The following CLIC5 variants were observed in gnomAD, a reference collection of about 807,000 sequenced individuals.
The protein encoded by CLIC5 is CLIC family member 5, also known as chloride intracellular channel protein 5.
A neutral mutation model predicts 24.7 loss-of-function variants in CLIC5; 20 were observed. The observed-to-expected ratio is 0.81, with a 90% confidence interval of 0.57 to 1.18. The LOEUF is 1.18. CLIC5 is among the 50% of genes most tolerant of loss of function. The pLI is 0.00. For synonymous variants in CLIC5, 159 were observed against 135.6 expected (o/e 1.17, Z -1.20); for missense variants, 341 against 326.1 (o/e 1.05, Z -0.35).
intron 1 of CLIC5, among the ~76,000 whole-genome samples, chr6:46,064,311 G>A (rs907010969): frequency 6.6e-6 from 1 of 151,896 alleles, no homozygotes; most frequent in Non-Finnish European, 1.5e-5. Context: ...TTCCCACCAA[G>A]AAATCTCTAG....
chr6:45,983,282 T>C (rs1314705407), intron 1 of CLIC5, among the ~76,000 whole-genome samples: 1 of 152,124 alleles, frequency 6.6e-6, no homozygotes, highest in Non-Finnish European at 1.5e-5. Context: ...TAGGAAGCCA[T>C]AAAAATGCAT....
chr6:45,929,971 G>A (rs1763664184), intron 4 of CLIC5, among the ~76,000 whole-genome samples: 1 of 152,192 alleles, frequency 6.6e-6, no homozygotes, highest in South Asian at 2.1e-4. Flanking sequence ...CTCCAGACAG[G>A]GCCACTGTGA....
At chr6:46,065,016 T>G (rs2127471926) in intron 1 of CLIC5, among the ~76,000 whole-genome samples, 1 of 152,222 alleles carries the variant, frequency 6.6e-6, no homozygotes, top group East Asian at 1.9e-4. Context: ...TATAAACTAT[T>G]TGCAAAACAT....
chr6:45,888,320 T>C lies in CLIC5; in HGVS notation c.624-7132A>G, dbSNP rs142179393. ...TCTATGTGGGATGTGGGGCATTTTC[T>C]ATTAATTACATTTCTTAATTTACTT... is the stretch of plus-strand genomic sequence containing the variant. On this transcript the variant is annotated intron_variant, in intron 6 of 6. Transcript: ENST00000644324. 2.4e-4 allele frequency among the ~76,000 whole-genome samples: 37 copies of C among 152,380 alleles called. No individual in the cohort carries two copies. In the South Asian group the frequency reaches 2.5e-3, roughly 10 times the overall value.
intron 3 of CLIC5, among the ~76,000 whole-genome samples, chr6:45,948,311 C>T (rs1764353649): frequency 6.6e-6 from 1 of 152,212 alleles, no homozygotes; most frequent in African/African-American, 2.4e-5. Flanking sequence ...CCTGCCCTGT[C>T]TTGGCTTAGC....
intron 1 of CLIC5, among the ~76,000 whole-genome samples, chr6:45,974,778 T>C (rs1282478059): frequency 6.6e-6 from 1 of 152,060 alleles, no homozygotes. Flanking sequence ...AAAGGTAACA[T>C]GTGTGGATAT....
Position 45,955,188 on chromosome 6 carries a change from C to G in CLIC5, c.120G>C (p.Met40Ile), listed in dbSNP as rs1233536120. ...ACACGACTCCTTTCAGCCAGAGGATCATGAAGAGGCGCTGAGAGAAAGGAC... is the reference window on the plus strand; with the variant it reads ...ACACGACTCCTTTCAGCCAGAGGATGATGAAGAGGCGCTGAGAGAAAGGAC... ...GNCPFSQRLF[M>I]ILWLKGVVFN... The change falls in exon 2 of 6, where the codon ATG (methionine) becomes ATC (isoleucine). Residue 40 changes from methionine (M) to isoleucine (I), a missense_variant. Transcript: ENST00000339561. 6.2e-7 allele frequency: 1 copy of G among 1,614,072 alleles called. No individual in the cohort carries two copies. Among genetic ancestry groups the G allele is most frequent in the East Asian group, 2.2e-5 (1 of 44,870 alleles).
At chr6:46,034,480 TA>T (rs1293774354) in intron 1 of CLIC5, among the ~76,000 whole-genome samples, 1 of 152,208 alleles carries the variant, frequency 6.6e-6, no homozygotes, top group East Asian at 1.9e-4. Flanking sequence ...CTTATGCCTG[TA>T]ACCTCAGCAC....
chr6:46,087,080 C>T, the CLIC5 span, among the ~76,000 whole-genome samples: 1 of 152,184 alleles, frequency 6.6e-6, no homozygotes, highest in Non-Finnish European at 1.5e-5. Flanking sequence ...ATATGATCCC[C>T]AAATTTCACC....
At chr6:46,062,539 G>T (rs1341136452) in intron 1 of CLIC5, among the ~76,000 whole-genome samples, 2 of 152,228 alleles carry the variant, frequency 1.3e-5, no homozygotes, top group South Asian at 4.1e-4. Flanking sequence ...AAGGGAGGCA[G>T]AAGGGCACTG....
In CLIC5 at chr6:46,042,862, C is replaced by T. The variant is rs1238723656; in HGVS notation, c.540+36841G>A. 3.3e-5 allele frequency among the ~76,000 whole-genome samples: 5 copies of T among 152,118 alleles called. No homozygotes were observed. The South Asian group carries it at 1.0e-3, about 32-fold the overall frequency. On this transcript the variant is annotated intron_variant, in intron 1 of 5. Coordinates refer to the CLIC5 transcript ENST00000185206. Reference sequence around the variant, plus strand: ...ATAGAGACAAAGCTAGAATCCAGACCTCAGACACTCAGACCTTCTGTGCTC... The same window carrying T: ...ATAGAGACAAAGCTAGAATCCAGACTTCAGACACTCAGACCTTCTGTGCTC...
At chr6:45,937,385 T>G (rs986118060) in intron 4 of CLIC5, 1 of 152,242 alleles carries the variant, frequency 6.6e-6, no homozygotes, top group Non-Finnish European at 1.5e-5. Flanking sequence ...ATTACAAACC[T>G]TGGTGATATT....
At chr6:46,043,175 C>T (rs1424617515) in intron 1 of CLIC5, among the ~76,000 whole-genome samples, 2 of 152,146 alleles carry the variant, frequency 1.3e-5, no homozygotes, top group Non-Finnish European at 2.9e-5. Flanking sequence ...AGACTATTAA[C>T]GGTGCTGATA....
chr6:45,954,795 G>C (rs948315714), intron 2 of CLIC5, among the ~76,000 whole-genome samples: 1 of 152,182 alleles, frequency 6.6e-6, no homozygotes, highest in African/African-American at 2.4e-5. Context: ...AGGGTCCCAC[G>C]GATGATGGCC....
intron 1 of CLIC5, among the ~76,000 whole-genome samples, chr6:46,006,965 C>A (rs1005503266): frequency 6.6e-6 from 1 of 152,180 alleles, no homozygotes; most frequent in Non-Finnish European, 1.5e-5. Context: ...AGCCACCATG[C>A]CCAGCCCCAA....
intron 1 of CLIC5, among the ~76,000 whole-genome samples, chr6:46,001,367 C>G (rs1030605215): frequency 1.3e-5 from 2 of 152,282 alleles, no homozygotes; most frequent in South Asian, 4.1e-4. Flanking sequence ...CCCTTCTCTG[C>G]CTGAGCTTAG....
intron 3 of CLIC5, among the ~76,000 whole-genome samples, chr6:45,947,172 C>A (rs1436274072): frequency 1.3e-5 from 2 of 152,210 alleles, no homozygotes; most frequent in Non-Finnish European, 2.9e-5. Flanking sequence ...ACGCATGGGG[C>A]ATACAATTCC....
chr6:45,916,708 G>A (rs185249489), intron 4 of CLIC5, among the ~76,000 whole-genome samples: 12 of 152,316 alleles, frequency 7.9e-5, no homozygotes, highest in Admixed American at 7.2e-4. Context: ...GAAGTTCCTT[G>A]GGAAGATAGT....
chr6:46,019,430 T>C (rs1338677099), upstream of CLIC5, among the ~76,000 whole-genome samples: 1 of 152,054 alleles, frequency 6.6e-6, no homozygotes, highest in Non-Finnish European at 1.5e-5. Context: ...CTCACGCCTG[T>C]AATCCCAGCA....
Sources: gnomAD v4.1 joint callset for allele counts (sites outside exome capture counted in the v4.1 genomes callset) on GRCh38, gnomAD v4.1.1 for gene constraint, MANE v1.5 for transcripts, NCBI Gene and HGNC (gene_info 2026-07-23, HGNC 2026-07-21) for gene names.